RPH3A: variants seen among roughly 807,000 people sequenced by gnomAD.
The protein encoded by RPH3A is rabphilin-3A.
A neutral mutation model predicts 102.2 loss-of-function variants in RPH3A; 48 were observed. The observed-to-expected ratio is 0.47, with a 90% CI of 0.37 to 0.60. RPH3A has a LOEUF of 0.60. Ranked by LOEUF, RPH3A falls within the 20% of genes least tolerant of loss-of-function variation. RPH3A has a pLI of 0.00. For synonymous variants in RPH3A, 310 were observed against 324.3 expected, an observed-to-expected ratio of 0.96 and a Z score of 0.47; for missense variants, 781 against 910.1, an observed-to-expected ratio of 0.86 and a Z score of 1.83.
At chr12:112,624,602 T>C (rs2135982497) in intron 1 of RPH3A, among the ~76,000 whole-genome samples, 1 of 151,404 alleles carries the variant, frequency 6.6e-6, no homozygotes, top group South Asian at 2.1e-4. Flanking sequence ...ACCAGATGGA[T>C]TCACAGCCGT....
chr12:112,646,048 G>C (rs980342273), intron 1 of RPH3A, among the ~76,000 whole-genome samples: 2 of 152,184 alleles, frequency 1.3e-5, no homozygotes, highest in Non-Finnish European at 2.9e-5. Flanking sequence ...TTAAATCTGA[G>C]AAGAAATGTA....
chr12:112,641,332 C>A (rs1331674086), intron 1 of RPH3A, among the ~76,000 whole-genome samples: 1 of 152,212 alleles, frequency 6.6e-6, no homozygotes, highest in Non-Finnish European at 1.5e-5. Context: ...TGACCTGGAT[C>A]AGAGACAGTG....
chr12:112,796,727 G>C (rs778722355), intron 2 of RPH3A, among the ~76,000 whole-genome samples: 8 of 152,216 alleles, frequency 5.3e-5, no homozygotes, highest in Non-Finnish European at 8.8e-5. Flanking sequence ...CTGGCACCAT[G>C]ATGGGCATTG....
chr12:112,583,174 G>C (rs530183426), intron 1 of RPH3A, among the ~76,000 whole-genome samples: 1 of 152,140 alleles, frequency 6.6e-6, no homozygotes, highest in African/African-American at 2.4e-5. Context: ...TTTTCATTGA[G>C]TTCTTTTGTC....
intron 10 of RPH3A, among the ~76,000 whole-genome samples, chr12:112,874,602 G>A (rs1237351438): frequency 2.0e-5 from 3 of 152,160 alleles, no homozygotes; most frequent in South Asian, 2.1e-4. Flanking sequence ...GAAACAGCAG[G>A]AAGGCAAAGC....
chr12:112,677,510 G>A (rs2040188523), intron 1 of RPH3A, among the ~76,000 whole-genome samples: 1 of 140,388 alleles, frequency 7.1e-6, no homozygotes, highest in South Asian at 2.4e-4. Context: ...TTAGAGTTAG[G>A]GTCTTGCTCT....
chr12:112,646,755 A>C (rs1275071982), intron 1 of RPH3A, among the ~76,000 whole-genome samples: 1 of 152,116 alleles, frequency 6.6e-6, no homozygotes, highest in Non-Finnish European at 1.5e-5. Flanking sequence ...CTGTTGGCTG[A>C]TTGTTTGCCA....
At chr12:112,772,721 ATTAATTATT>A (rs979444984) in intron 1 of RPH3A, among the ~76,000 whole-genome samples, 2 of 151,964 alleles carry the variant, frequency 1.3e-5, no homozygotes, top group African/African-American at 2.4e-5. Context: ...AAATTAATTA[ATTAATTATT>A]TAATTTATAT....
At chr12:112,865,820 A>C (rs1209678058) in intron 6 of RPH3A, among the ~76,000 whole-genome samples, 1 of 152,172 alleles carries the variant, frequency 6.6e-6, no homozygotes, top group South Asian at 2.1e-4. Flanking sequence ...GAACATGAGC[A>C]ATGATTGAGC....
At chr12:112,733,661 A>T (rs2040649080) in intron 1 of RPH3A, among the ~76,000 whole-genome samples, 2 of 152,208 alleles carry the variant, frequency 1.3e-5, no homozygotes. Context: ...GCTGCAGCAG[A>T]TCCCGAAGGT....
chr12:112,677,272 A>T (rs1176363866), intron 1 of RPH3A, among the ~76,000 whole-genome samples: 1 of 151,976 alleles, frequency 6.6e-6, no homozygotes, highest in East Asian at 1.9e-4. Flanking sequence ...AACAAGTACC[A>T]TGGGACCCAG....
At chr12:112,871,951 A>G (rs941194697) in intron 10 of RPH3A, among the ~76,000 whole-genome samples, 11 of 151,662 alleles carry the variant, frequency 7.3e-5, no homozygotes, top group Admixed American at 7.2e-4. Context: ...CCATTCACCC[A>G]TCAGTGGGAG....
chr12:112,635,358 C>A (rs1205592615), intron 1 of RPH3A, among the ~76,000 whole-genome samples: 2 of 152,156 alleles, frequency 1.3e-5, no homozygotes, highest in Non-Finnish European at 2.9e-5. Flanking sequence ...GGGTTTGAAT[C>A]TCAGCTTTGC....
chr12:112,870,308 C>CT (rs2042685915), intron 10 of RPH3A, among the ~76,000 whole-genome samples: 3 of 111,868 alleles, frequency 2.7e-5, no homozygotes, highest in African/African-American at 1.1e-4. Flanking sequence ...TTCTCCCCGC[C>CT]TCAAAAAAAA....
intron 1 of RPH3A, among the ~76,000 whole-genome samples, chr12:112,678,303 A>AAGAGAGAGAGAGAGAGAGAGAGAG (rs772237822): frequency 2.0e-5 from 1 of 50,198 alleles, no homozygotes; most frequent in African/African-American, 6.7e-5. Flanking sequence ...GAAAGAAAGA[A>AAGAGAGAGAGAGAGAGAGAGAGAG]AGAGAGAGAG....
chr12:112,648,719 T>C (rs2039952256), intron 1 of RPH3A, among the ~76,000 whole-genome samples: 1 of 130,590 alleles, frequency 7.7e-6, no homozygotes, highest in African/African-American at 2.9e-5. Context: ...TACTCTAGCC[T>C]GGGTGACAGA....
intron 2 of RPH3A, among the ~76,000 whole-genome samples, chr12:112,797,727 TCA>T (rs1160583868): frequency 4.2e-4 from 64 of 152,046 alleles, no homozygotes; most frequent in East Asian, 1.9e-4. Flanking sequence ...TCTTGCTCTG[TCA>T]CCCAGGCTGG....
intron 1 of RPH3A, among the ~76,000 whole-genome samples, chr12:112,676,253 C>G (rs1282286574): frequency 6.6e-6 from 1 of 151,966 alleles, no homozygotes; most frequent in Non-Finnish European, 1.5e-5. Flanking sequence ...GGGTCCCAGG[C>G]TGGGACAGAT....
intron 1 of RPH3A, among the ~76,000 whole-genome samples, chr12:112,576,883 GTTCTTTTCTTTTTT>G (rs2039363271): frequency 2.3e-5 from 3 of 131,346 alleles, no homozygotes; most frequent in African/African-American, 9.0e-5. Flanking sequence ...CAATAGAAAT[GTTCTTTTCTTTTTT>G]TTCTTTTCTT....
Sources: gnomAD v4.1 joint callset for allele counts (sites outside exome capture counted in the v4.1 genomes callset) on GRCh38, gnomAD v4.1.1 for gene constraint, MANE v1.5 for transcripts, NCBI Gene and HGNC (gene_info 2026-07-23, HGNC 2026-07-21) for gene names.